The following CACNA2D3 variants were observed in gnomAD, a reference collection of about 807,000 sequenced individuals.
The protein encoded by CACNA2D3 is calcium voltage-gated channel auxiliary subunit alpha2delta 3.
CACNA2D3 carries 60 observed loss-of-function variants against 160.6 expected under a neutral mutation model. The ratio of observed to expected loss-of-function variants is 0.37; its 90% CI spans 0.30 to 0.46. The LOEUF is 0.46. Ranked by LOEUF, CACNA2D3 falls within the 20% of genes least tolerant of loss-of-function variation. CACNA2D3 has a pLI of 1.00. For missense variants in CACNA2D3, 1,205 were observed against 1,365.0 expected, an observed-to-expected ratio of 0.88 and a Z score of 1.85; for synonymous variants, 558 against 492.9, an observed-to-expected ratio of 1.13 and a Z score of -1.75.
intron 13 of CACNA2D3, among the ~76,000 whole-genome samples, chr3:54,786,971 A>G (rs1324632912): frequency 1.3e-5 from 2 of 152,202 alleles, no homozygotes; most frequent in Non-Finnish European, 2.9e-5. Flanking sequence ...CCCAACATGG[A>G]GATATGGAAG....
chr3:54,911,351 C>CTTTTTTTTTTTTTTTTTT (rs58289082), intron 27 of CACNA2D3, among the ~76,000 whole-genome samples: 3 of 58,586 alleles, frequency 5.1e-5, no homozygotes, highest in African/African-American at 2.7e-4. Flanking sequence ...TCTTTGTCGT[C>CTTTTTTTTTTTTTTTTTT]TTTTTTTTTT....
chr3:54,721,614 A>G (rs1701170789), intron 11 of CACNA2D3, among the ~76,000 whole-genome samples: 1 of 151,994 alleles, frequency 6.6e-6, no homozygotes, highest in African/African-American at 2.4e-5. Context: ...TACAAAAATT[A>G]GCCAGGCGTG....
chr3:54,544,778 G>A (rs11130424), intron 5 of CACNA2D3, among the ~76,000 whole-genome samples: 81,944 of 151,956 alleles, frequency 0.54, 22,809 homozygotes, highest in Non-Finnish European at 0.63. Flanking sequence ...CATTCTATGA[G>A]TAACAGAGTT....
At chr3:54,167,900 C>T (rs758981437) in intron 2 of CACNA2D3, among the ~76,000 whole-genome samples, 7 of 152,286 alleles carry the variant, frequency 4.6e-5, no homozygotes, top group Middle Eastern at 3.4e-3. Context: ...CAAGGGTGAG[C>T]GCAGTATTTA....
At chr3:55,015,991 C>T (rs1487900427) in intron 34 of CACNA2D3, among the ~76,000 whole-genome samples, 1 of 152,188 alleles carries the variant, frequency 6.6e-6, no homozygotes, top group Non-Finnish European at 1.5e-5. Flanking sequence ...TCGTAAGGGA[C>T]AGAGGTTCTC....
chr3:54,771,363 G>C (rs1702318681), intron 13 of CACNA2D3, among the ~76,000 whole-genome samples: 1 of 152,210 alleles, frequency 6.6e-6, no homozygotes, highest in African/African-American at 2.4e-5. Context: ...TGGATCAAAA[G>C]TCTCAGCACA....
chr3:55,064,504 G>A (rs992573080), intron 35 of CACNA2D3, among the ~76,000 whole-genome samples: 29 of 152,132 alleles, frequency 1.9e-4, no homozygotes, highest in African/African-American at 6.5e-4. Context: ...AACTGTACAT[G>A]AGGCAAGCCT....
intron 2 of CACNA2D3, among the ~76,000 whole-genome samples, chr3:54,317,654 C>T (rs928510607): frequency 5.9e-5 from 9 of 152,166 alleles, no homozygotes; most frequent in African/African-American, 2.2e-4. Context: ...TCTTCTGCCT[C>T]AGTCTCCTGA....
intron 2 of CACNA2D3, among the ~76,000 whole-genome samples, chr3:54,278,093 A>G (rs562577484): frequency 6.6e-6 from 1 of 152,218 alleles, no homozygotes; most frequent in African/African-American, 2.4e-5. Context: ...CATTCTATCC[A>G]TCTGACAAAG....
At chr3:54,234,143 A>T (rs1701830142) in intron 2 of CACNA2D3, among the ~76,000 whole-genome samples, 1 of 152,204 alleles carries the variant, frequency 6.6e-6, no homozygotes, top group African/African-American at 2.4e-5. Context: ...CAGCATCTAT[A>T]AGGATCTTAA....
chr3:54,180,375 C>T (rs987868434), intron 2 of CACNA2D3, among the ~76,000 whole-genome samples: 5 of 152,128 alleles, frequency 3.3e-5, no homozygotes, highest in African/African-American at 7.2e-5. Context: ...AGAAGTCAGA[C>T]GTAGAGTGGG....
intron 5 of CACNA2D3, among the ~76,000 whole-genome samples, chr3:54,523,116 G>A (rs968670976): frequency 2.6e-4 from 40 of 151,952 alleles, no homozygotes; most frequent in African/African-American, 9.2e-4. Context: ...TTCTTTTCTT[G>A]TTCCTGATCT....
At chr3:54,267,281 G>T (rs1479409401) in intron 2 of CACNA2D3, among the ~76,000 whole-genome samples, 1 of 152,178 alleles carries the variant, frequency 6.6e-6, no homozygotes, top group African/African-American at 2.4e-5. Context: ...AACATACTCA[G>T]CCTCCTTAAG....
In CACNA2D3 at chr3:54,835,967, G is replaced by A. The variant is rs78908047; in HGVS notation, c.1399-1192G>A. 4.6e-5 allele frequency among the ~76,000 whole-genome samples: 7 copies of A among 152,308 alleles called. No homozygotes were observed. In the East Asian group the frequency reaches 1.4e-3, roughly 29 times the overall value. On this transcript the variant is annotated intron_variant, in intron 14 of 37. Transcript: ENST00000474759. ...GAATAGTGGGCATTATTTCATATGAGCATGTGGAGACTTCACTAGTGCAGT... is the reference window on the plus strand; with the variant it reads ...GAATAGTGGGCATTATTTCATATGAACATGTGGAGACTTCACTAGTGCAGT...
At chr3:54,973,964 C>T (rs900983562) in intron 29 of CACNA2D3, among the ~76,000 whole-genome samples, 2 of 152,096 alleles carry the variant, frequency 1.3e-5, no homozygotes, top group African/African-American at 4.8e-5. Context: ...ATGCAAGAAC[C>T]TAGTGTGTGT....
chr3:54,587,491 A>C (rs964576080), intron 9 of CACNA2D3, among the ~76,000 whole-genome samples: 9 of 152,130 alleles, frequency 5.9e-5, no homozygotes, highest in Non-Finnish European at 1.2e-4. Flanking sequence ...CGGGAGGCAG[A>C]GATTGCAGTA....
intron 2 of CACNA2D3, among the ~76,000 whole-genome samples, chr3:54,275,426 A>G (rs1245977849): frequency 6.6e-6 from 1 of 152,012 alleles, no homozygotes; most frequent in African/African-American, 2.4e-5. Flanking sequence ...GCATAGAATT[A>G]TAAGGAAACT....
chr3:54,687,974 T>C (rs528121273), intron 11 of CACNA2D3, among the ~76,000 whole-genome samples: 1 of 152,370 alleles, frequency 6.6e-6, no homozygotes, highest in East Asian at 1.9e-4. Flanking sequence ...TTTAAACTCA[T>C]GAGTAGAACT....
intron 4 of CACNA2D3, among the ~76,000 whole-genome samples, chr3:54,444,849 A>C (rs1314310848): frequency 6.6e-6 from 1 of 152,248 alleles, no homozygotes; most frequent in African/African-American, 2.4e-5. Flanking sequence ...TAGAAAACCA[A>C]ATTCCTTTTA....
Sources: gnomAD v4.1 joint callset for allele counts (sites outside exome capture counted in the v4.1 genomes callset) on GRCh38, gnomAD v4.1.1 for gene constraint, MANE v1.5 for transcripts, NCBI Gene and HGNC (gene_info 2026-07-23, HGNC 2026-07-21) for gene names.